Variants in LY75 observed in about 807,000 individuals in gnomAD.
LY75 encodes the protein C-type lectin domain family 13 member B.
LY75 carries 185 observed loss-of-function variants against 231.7 expected under a neutral mutation model. The observed-to-expected ratio is 0.80, with a 90% confidence interval of 0.71 to 0.90. The LOEUF (loss-of-function observed/expected upper bound fraction) is 0.90, where lower values mean the gene tolerates loss of function less well. LY75 is among the 40% of genes least tolerant of loss of function. The pLI is 0.00. For synonymous variants in LY75, 668 were observed against 689.0 expected, an observed-to-expected ratio of 0.97 and a Z score of 0.48; for missense variants, 1,947 against 2,050.2, an observed-to-expected ratio of 0.95 and a Z score of 0.97.
intron 32 of LY75, among the ~76,000 whole-genome samples, chr2:159,809,527 C>T (rs1481228923): frequency 1.3e-5 from 2 of 152,122 alleles, no homozygotes; most frequent in African/African-American, 2.4e-5. Context: ...GCTAACTTTA[C>T]AAAAATTTTA....
intron 23 of LY75, 129 bp downstream of exon 23, chr2:159,849,851 A>T: frequency 8.2e-7 from 1 of 1,215,078 alleles, no homozygotes; most frequent in Non-Finnish European, 1.1e-6. Flanking sequence ...TTACTATCTT[A>T]GATGTGCCTA....
At chr2:159,877,009 C>CAAAAAAAAAAAAA (rs58831835) in intron 11 of LY75, among the ~76,000 whole-genome samples, 85 of 90,484 alleles carry the variant, frequency 9.4e-4, no homozygotes, top group Admixed American at 1.7e-3. Flanking sequence ...AACTCCATCT[C>CAAAAAAAAAAAAA]AAAAAAAAAA....
intron 30 of LY75, among the ~76,000 whole-genome samples, chr2:159,816,125 A>G (rs971554617): frequency 1.3e-5 from 2 of 152,064 alleles, no homozygotes; most frequent in African/African-American, 4.8e-5. Flanking sequence ...AATCTTCCCC[A>G]CTCTGTTCTA....
intron 21 of LY75, among the ~76,000 whole-genome samples, chr2:159,850,794 A>ATATATATATATATATATATATATATATG (rs1560081043): frequency 1.5e-5 from 2 of 131,520 alleles, no homozygotes; most frequent in African/African-American, 5.9e-5. Context: ...ATATATATAT[A>ATATATATATATATATATATATATATATG]TATATTATAT....
intron 2 of LY75, among the ~76,000 whole-genome samples, chr2:159,897,836 T>A (rs918439878): frequency 2.6e-5 from 4 of 152,174 alleles, no homozygotes; most frequent in African/African-American, 9.7e-5. Context: ...AAAAAATAAA[T>A]CTACTCATTC....
rs768445533 is a variant in LY75 at position 159,805,216 on chromosome 2, T to C, written c.4997A>G (p.Asp1666Gly). The C allele has an allele frequency of 6.2e-7, 1 of 1,613,618 alleles. No homozygotes were observed. The highest frequency in any genetic ancestry group is 2.2e-5 in the East Asian group (1 of 44,852). The change falls in exon 35 of 35, where the codon GAT (aspartate) becomes GGT (glycine). Residue 1666 changes from aspartate (D) to glycine (G), a missense_variant. Physicochemically the swap from Asp to Gly is moderately conservative, Grantham distance 94. Transcript: ENST00000263636. ...AACTATGATAGCTATTGCTGTGTAATCAGGGCCTGGAACAGGAAAAGGTTT... is the reference window on the plus strand; with the variant it reads ...AACTATGATAGCTATTGCTGTGTAACCAGGGCCTGGAACAGGAAAAGGTTT... ...RVVCKVPLGPDYTAIAIIVAT... is the reference protein window; with the variant it reads ...RVVCKVPLGPGYTAIAIIVAT...
chr2:159,818,006 G>A (rs1019851033), intron 29 of LY75, among the ~76,000 whole-genome samples: 7 of 152,046 alleles, frequency 4.6e-5, no homozygotes, highest in Non-Finnish European at 7.4e-5. Context: ...CTGAGATGGC[G>A]CCACTGCACT....
chr2:159,851,860 A>C (rs1341663968), intron 21 of LY75, among the ~76,000 whole-genome samples: 1 of 152,230 alleles, frequency 6.6e-6, no homozygotes, highest in East Asian at 1.9e-4. Context: ...GGAAAAAGAA[A>C]ACACAAGCCA....
intron 13 of LY75, among the ~76,000 whole-genome samples, chr2:159,866,905 C>T (rs542954184): frequency 6.6e-6 from 1 of 152,172 alleles, no homozygotes; most frequent in African/African-American, 2.4e-5. Flanking sequence ...GTAGAGGCTC[C>T]CACTGGTAGC....
chr2:159,839,330 C>T (rs1683932596), intron 25 of LY75, among the ~76,000 whole-genome samples: 1 of 152,124 alleles, frequency 6.6e-6, no homozygotes, highest in African/African-American at 2.4e-5. Context: ...ATAGGAATAC[C>T]ACAGCTTTAT....
chr2:159,860,984 T>C, intron 14 of LY75, 95 bp from the exon 15 acceptor site: 1 of 1,343,652 alleles, frequency 7.4e-7, no homozygotes, highest in Non-Finnish European at 1.1e-6. Context: ...TCAAGTGCGT[T>C]GATATGCCAC....
In LY75 at chr2:159,898,574, C is replaced by T. The variant is rs1387252420; in HGVS notation, c.466+114G>A. On this transcript the variant is annotated intron_variant, in intron 2 of 34. Coordinates refer to ENST00000263636, the MANE Select transcript of LY75 (RefSeq NM_002349.4). ...CTGCACAGTGCCTGGAAGTGAAGAG[C>T]TTACTCACTGCCCTTACTAATGTAC... is the stretch of plus-strand genomic sequence containing the variant. The T allele has an allele frequency of 3.9e-5, 58 of 1,483,346 alleles. No homozygotes were observed. In the Admixed American group the frequency reaches 4.4e-4, roughly 11 times the overall value. The allele number at this position is 1,483,346 out of a possible 1,614,324, so 91.9% of individuals were successfully genotyped here. A position where few individuals can be genotyped will look rare whatever the true frequency, so the allele number is the denominator to read the frequency against.
At chr2:159,840,498 G>C (rs549631068) in intron 25 of LY75, among the ~76,000 whole-genome samples, 45 of 152,254 alleles carry the variant, frequency 3.0e-4, no homozygotes, top group Admixed American at 1.2e-3. Flanking sequence ...CTTGAGCCCG[G>C]GAGGTCAAGG....
At chr2:159,863,056 TG>T (rs1684761425) in intron 14 of LY75, among the ~76,000 whole-genome samples, 1 of 151,282 alleles carries the variant, frequency 6.6e-6, no homozygotes, top group Non-Finnish European at 1.5e-5. Flanking sequence ...TGATATCACG[TG>T]GCATTTGTCT....
rs371683308 is a variant in LY75 at position 159,896,695 on chromosome 2, T to C, written c.466+1993A>G. Among the ~76,000 whole-genome samples the C allele has an allele frequency of 3.3e-5, 5 of 152,112 alleles. No homozygotes were observed. In the East Asian group the frequency reaches 7.7e-4, roughly 24 times the overall value. ...AGGGATATACATAAATTGAAAAGGG[T>C]AGAATTGCCAGGACTTCATATTTGA... is the stretch of plus-strand genomic sequence containing the variant. On this transcript the variant is annotated intron_variant, in intron 2 of 34. Transcript: ENST00000263636.
intron 28 of LY75, among the ~76,000 whole-genome samples, chr2:159,823,612 C>T (rs1683368544): frequency 6.6e-6 from 1 of 152,122 alleles, no homozygotes; most frequent in Non-Finnish European, 1.5e-5. Flanking sequence ...CCCAAAGATA[C>T]TCCTCGAGAG....
intron 12 of LY75, among the ~76,000 whole-genome samples, chr2:159,874,902 CAT>C (rs1399303851): frequency 9.4e-5 from 11 of 117,386 alleles, no homozygotes; most frequent in African/African-American, 2.0e-4. Flanking sequence ...AATATATAAA[CAT>C]ATATATTTTA....
chr2:159,825,641 C>A (rs1439403701), intron 28 of LY75, among the ~76,000 whole-genome samples: 2 of 152,106 alleles, frequency 1.3e-5, no homozygotes, highest in Non-Finnish European at 2.9e-5. Flanking sequence ...CAAAACCTGG[C>A]AGAAACACAA....
chr2:159,856,487 A>C (rs2125857805), intron 16 of LY75, among the ~76,000 whole-genome samples: 1 of 152,318 alleles, frequency 6.6e-6, no homozygotes, highest in South Asian at 2.1e-4. Context: ...ATACAGATGA[A>C]TACAAGTTGA....
Sources: allele counts gnomAD v4.1 joint callset (sites outside exome capture counted in the v4.1 genomes callset), GRCh38; gene constraint gnomAD v4.1.1; transcripts MANE v1.5; gene names NCBI Gene and HGNC (gene_info 2026-07-23, HGNC 2026-07-21).